OR1B1: variants seen among roughly 807,000 people sequenced by gnomAD.
OR1B1 encodes the protein olfactory receptor family 1 subfamily B member 1.
For synonymous variants in OR1B1, 168 were observed against 156.2 expected, an observed-to-expected ratio of 1.08 and a Z score of -0.57; for missense variants, 414 against 402.1, an observed-to-expected ratio of 1.03 and a Z score of -0.25.
exon 1 of OR1B1, chr9:122,629,262 G>C: frequency 3.7e-6 from 6 of 1,614,084 alleles, no homozygotes; most frequent in Non-Finnish European, 5.1e-6. Context: ...GGAATGGTTG[G>C]GTAATGAGAG....
the OR1B1 span, among the ~76,000 whole-genome samples, chr9:122,648,807 T>G: frequency 6.6e-6 from 1 of 152,172 alleles, no homozygotes; most frequent in African/African-American, 2.4e-5. Context: ...ATCAATATCA[T>G]GAAAATGGCT....
chr9:122,654,672 C>G, the OR1B1 span, among the ~76,000 whole-genome samples: 642 of 152,256 alleles, frequency 4.2e-3, 4 homozygotes, highest in African/African-American at 0.015. Flanking sequence ...TCACCCAACC[C>G]AACTCCATCA....
chr9:122,628,248 A>G (rs1830158808), downstream of OR1B1, among the ~76,000 whole-genome samples: 1 of 152,176 alleles, frequency 6.6e-6, no homozygotes, highest in African/African-American at 2.4e-5. Flanking sequence ...CTCTTCGTTT[A>G]GTTCATAGTT....
the OR1B1 span, among the ~76,000 whole-genome samples, chr9:122,643,246 C>G: frequency 6.6e-6 from 1 of 152,176 alleles, no homozygotes; most frequent in Non-Finnish European, 1.5e-5. Flanking sequence ...TGCCACCCCT[C>G]CCTGACCCCC....
chr9:122,648,582 C>G, the OR1B1 span, among the ~76,000 whole-genome samples: 129 of 152,268 alleles, frequency 8.5e-4, no homozygotes, highest in African/African-American at 3.1e-3. Flanking sequence ...GTGCAAAAAT[C>G]ACAAACATTC....
chr9:122,631,722 G>C (rs967759437), upstream of OR1B1, among the ~76,000 whole-genome samples: 1 of 152,062 alleles, frequency 6.6e-6, no homozygotes, highest in Non-Finnish European at 1.5e-5. Context: ...TGAGGCAGGA[G>C]GTAGAGACCA....
upstream of OR1B1, among the ~76,000 whole-genome samples, chr9:122,632,026 A>C (rs1830208642): frequency 6.6e-6 from 1 of 152,198 alleles, no homozygotes; most frequent in Non-Finnish European, 1.5e-5. Flanking sequence ...GCATTGGAGT[A>C]CCTTTTAGAA....
At chr9:122,647,819 A>G in the OR1B1 span, among the ~76,000 whole-genome samples, 1 of 152,220 alleles carries the variant, frequency 6.6e-6, no homozygotes, top group East Asian at 1.9e-4. Context: ...CAAGCACTCA[A>G]GAAAGAATGG....
the OR1B1 span, among the ~76,000 whole-genome samples, chr9:122,654,466 A>G: frequency 2.6e-5 from 4 of 152,110 alleles, no homozygotes; most frequent in Non-Finnish European, 4.4e-5. Context: ...GATGGGGTCC[A>G]TTTCTTATGG....
At chr9:122,639,064 G>A in the OR1B1 span, among the ~76,000 whole-genome samples, 1 of 152,116 alleles carries the variant, frequency 6.6e-6, no homozygotes, top group Non-Finnish European at 1.5e-5. Flanking sequence ...ACACATCAAC[G>A]TACTGTCCAA....
exon 1 of OR1B1, chr9:122,628,582 G>A: frequency 6.3e-7 from 1 of 1,590,762 alleles, no homozygotes; most frequent in African/African-American, 1.3e-5. Flanking sequence ...AGGCTAATCA[G>A]GGGTCTACCT....
chr9:122,636,103 A>C, the OR1B1 span, among the ~76,000 whole-genome samples: 1 of 152,318 alleles, frequency 6.6e-6, no homozygotes, highest in Non-Finnish European at 1.5e-5. Context: ...ACAAGTAAAA[A>C]GCTGCTCATG....
chr9:122,628,825 A>G, exon 1 of OR1B1: 1 of 1,614,176 alleles, frequency 6.2e-7, no homozygotes, highest in Non-Finnish European at 8.5e-7. Context: ...GGCGACCAGC[A>G]GCTGAAGGCA....
the OR1B1 span, among the ~76,000 whole-genome samples, chr9:122,639,223 T>C: frequency 6.6e-6 from 1 of 152,186 alleles, no homozygotes; most frequent in African/African-American, 2.4e-5. Context: ...ATATATTATA[T>C]ACGTCTATGA....
upstream of OR1B1, among the ~76,000 whole-genome samples, chr9:122,634,204 C>T (rs542876947): frequency 2.0e-5 from 3 of 151,886 alleles, no homozygotes; most frequent in East Asian, 5.8e-4. Context: ...GGCGTGGTGG[C>T]ACATACCTGT....
At chr9:122,647,082 T>C in the OR1B1 span, among the ~76,000 whole-genome samples, 210 of 152,302 alleles carry the variant, frequency 1.4e-3, 2 homozygotes, top group African/African-American at 4.8e-3. Context: ...ATCTGCACTA[T>C]AAAACAAATT....
chr9:122,642,582 A>G, the OR1B1 span, among the ~76,000 whole-genome samples: 1 of 152,052 alleles, frequency 6.6e-6, no homozygotes, highest in African/African-American at 2.4e-5. Context: ...GCATTGACAT[A>G]CTCTCAAGGG....
chr9:122,649,671 G>C, the OR1B1 span, among the ~76,000 whole-genome samples: 2 of 152,298 alleles, frequency 1.3e-5, no homozygotes, highest in Non-Finnish European at 1.5e-5. Flanking sequence ...CTGGTCATTA[G>C]AGAAATGCAA....
the OR1B1 span, among the ~76,000 whole-genome samples, chr9:122,644,991 C>A: frequency 6.6e-6 from 1 of 152,182 alleles, no homozygotes; most frequent in South Asian, 2.1e-4. Context: ...AACTTTCAGA[C>A]AAAGAATTCA....
Sources: allele counts gnomAD v4.1 joint callset (sites outside exome capture counted in the v4.1 genomes callset), GRCh38; gene constraint gnomAD v4.1.1; transcripts MANE v1.5; gene names NCBI Gene and HGNC (gene_info 2026-07-23, HGNC 2026-07-21).